Variants in COL11A1 observed in about 807,000 individuals in gnomAD.
COL11A1 encodes collagen alpha-1(XI) chain.
A neutral mutation model predicts 265.2 loss-of-function variants in COL11A1; 74 were observed. That is an observed-to-expected ratio of 0.28 (90% CI 0.23 to 0.34). The LOEUF (loss-of-function observed/expected upper bound fraction) is 0.34. Ranked by LOEUF, COL11A1 falls within the 10% of genes least tolerant of loss-of-function variation. The probability of loss-of-function intolerance (pLI) is 1.00; values close to 1 mark genes in which losing one functional copy is unlikely to be tolerated. For synonymous variants in COL11A1, 816 were observed against 727.6 expected (o/e 1.12, Z -1.96); for missense variants, 2,165 against 2,263.6 (o/e 0.96, Z 0.88).
chr1:103,039,647 A>G (rs1668654558), intron 4 of COL11A1, among the ~76,000 whole-genome samples: 1 of 152,116 alleles, frequency 6.6e-6, no homozygotes, highest in Non-Finnish European at 1.5e-5. Flanking sequence ...AGCCTCCAGA[A>G]CTTTGAAAAA....
chr1:103,097,847 C>T (rs1431275340), intron 1 of COL11A1, among the ~76,000 whole-genome samples: 1 of 151,972 alleles, frequency 6.6e-6, no homozygotes, highest in African/African-American at 2.4e-5. Context: ...TGTGTAGCCA[C>T]AGCACTTAAC....
At chr1:103,074,503 T>A (rs1671821011) in intron 4 of COL11A1, 115 bp downstream of exon 4, 1 of 1,164,814 alleles carries the variant, frequency 8.6e-7, no homozygotes, top group African/African-American at 1.5e-5. Context: ...TAGGTCACCC[T>A]TTAGAGTTTT....
At chr1:102,990,448 C>T (rs1385541574) in intron 28 of COL11A1, among the ~76,000 whole-genome samples, 1 of 151,474 alleles carries the variant, frequency 6.6e-6, no homozygotes, top group East Asian at 1.9e-4. Flanking sequence ...TAATAATATC[C>T]TTTACAGGTA....
chr1:103,043,057 A>T (rs1187400893), intron 4 of COL11A1, among the ~76,000 whole-genome samples: 7 of 139,694 alleles, frequency 5.0e-5, no homozygotes, highest in African/African-American at 1.7e-4. Flanking sequence ...TATATGAAAC[A>T]TATATAATGA....
chr1:103,065,494 T>C (rs894358944), intron 4 of COL11A1, among the ~76,000 whole-genome samples: 3 of 113,208 alleles, frequency 2.6e-5, no homozygotes, highest in Non-Finnish European at 4.9e-5. Flanking sequence ...CACTCCAGCC[T>C]GGGCGACAGA....
At chr1:102,937,444 T>A (rs1443410228) in intron 44 of COL11A1, among the ~76,000 whole-genome samples, 4 of 152,204 alleles carry the variant, frequency 2.6e-5, no homozygotes, top group Non-Finnish European at 5.9e-5. Context: ...TGGATATGGT[T>A]TGTCCCCACT....
intron 2 of COL11A1, among the ~76,000 whole-genome samples, chr1:103,082,302 A>G (rs1025290832): frequency 2.0e-5 from 3 of 152,042 alleles, no homozygotes; most frequent in Non-Finnish European, 4.4e-5. Context: ...AATTATTTGC[A>G]AAGAAAAAGT....
At position 102,895,993 on chromosome 1, in the gene COL11A1, A is replaced by C. The variant is rs568503285; in HGVS notation, c.4302+2132T>G. ...AGAATATAAAATTGATTGGTTTTCA[A>C]CATATTTATCATTATTTCATTCATT... On this transcript the variant is annotated intron_variant, in intron 57 of 66. Transcript: ENST00000370096. Among the ~76,000 whole-genome samples, 34 of 152,014 alleles carry C rather than the reference A, an allele frequency of 2.2e-4. No individual in the cohort carries two copies. The South Asian group carries it at 6.4e-3, about 29-fold the overall frequency.
At chr1:102,903,224 T>G (rs917621783) in intron 54 of COL11A1, among the ~76,000 whole-genome samples, 6 of 152,162 alleles carry the variant, frequency 3.9e-5, no homozygotes. Context: ...TACAAATGCA[T>G]GACAGAAAGT....
At chr1:102,904,327 G>A (rs1468035503) in intron 54 of COL11A1, among the ~76,000 whole-genome samples, 2 of 152,192 alleles carry the variant, frequency 1.3e-5, no homozygotes, top group Non-Finnish European at 2.9e-5. Flanking sequence ...AGGACTTCAT[G>A]TCTAAAACAC....
Position 102,898,003 on chromosome 1 carries a change from T to C in COL11A1, c.4302+122A>G, listed in dbSNP as rs757407499. On this transcript the variant is annotated intron_variant, in intron 57 of 66. Transcript: ENST00000370096. The stretch of plus-strand genomic sequence containing the variant: ...TTTCCTCTAAGACAAAATAATATAC[T>C]TCTTGGACTATTAGAAAAAATACAA... 16 of 477,748 alleles carry C rather than the reference T, an allele frequency of 3.3e-5. No homozygotes were observed. The Middle Eastern group carries it at 1.9e-3, about 57-fold the overall frequency. The allele number at this position is 477,748 out of a possible 1,614,324, so 29.6% of individuals were successfully genotyped here.
chr1:103,039,181 T>G (rs1668616512), intron 4 of COL11A1, among the ~76,000 whole-genome samples: 1 of 152,198 alleles, frequency 6.6e-6, no homozygotes. Flanking sequence ...CTGCAGACTA[T>G]CAGACTGCAT....
intron 4 of COL11A1, among the ~76,000 whole-genome samples, chr1:103,070,251 T>C (rs531231515): frequency 1.3e-5 from 2 of 148,966 alleles, no homozygotes; most frequent in East Asian, 3.9e-4. Context: ...TTAAATACAA[T>C]AAACATGGGT....
In COL11A1 at chr1:103,031,142, G is replaced by C. The variant is rs1313902113; in HGVS notation, c.754C>G (p.Gln252Glu). Residue 252 changes from glutamine (Q) to glutamate (E), a missense_variant, in exon 5 of 67, where the codon CAA becomes GAA. Physicochemically the swap from Gln to Glu is conservative, Grantham distance 29 (BLOSUM62 2). Transcript: ENST00000370096. ...DCDSSAPKAA[Q>E]AQEPQIDEYA... ...TCATCTATCTGAGGTTCCTGAGCTT[G>C]AGCAGCCTTGGGTGCTGAAGAGTCA... 6.2e-7 allele frequency: 1 copy of C among 1,613,174 alleles called. No homozygotes were observed. Among genetic ancestry groups the C allele is most frequent in the East Asian group, 2.2e-5 (1 of 44,838 alleles).
intron 29 of COL11A1, 72 bp from the exon 30 acceptor site, chr1:102,987,812 T>A: frequency 8.8e-7 from 1 of 1,135,564 alleles, no homozygotes; most frequent in Non-Finnish European, 1.3e-6. Flanking sequence ...GAAAAAATTA[T>A]GACAGTGAAA....
intron 50 of COL11A1, among the ~76,000 whole-genome samples, 192 bp downstream of exon 50, chr1:102,915,439 T>A (rs184296802): frequency 1.6e-4 from 24 of 152,332 alleles, no homozygotes; most frequent in African/African-American, 5.5e-4. Flanking sequence ...TTTTTTCAAT[T>A]TGTTTATCAA....
chr1:102,920,417 AT>A (rs1655849743), intron 48 of COL11A1, 53 bp from the exon 49 acceptor site: 1 of 1,435,876 alleles, frequency 7.0e-7, no homozygotes, highest in South Asian at 1.1e-5. Context: ...AAAATAATGC[AT>A]TCGTAAACAT....
chr1:102,886,895 A>C lies in COL11A1; in HGVS notation c.4770T>G (p.Ile1590Met), dbSNP rs2229783. 6.2e-7 allele frequency: 1 copy of C among 1,613,420 alleles called. No individual in the cohort carries two copies. The highest frequency in any genetic ancestry group is 8.5e-7 in the Non-Finnish European group (1 of 1,179,740). Residue 1590 changes from isoleucine to methionine, a missense_variant, in exon 63 of 67, where the codon ATT (isoleucine) becomes ATG (methionine). Ile to Met is a conservative substitution (Grantham distance 10, BLOSUM62 1). Coordinates refer to ENST00000370096, the MANE Select transcript of COL11A1 (RefSeq NM_001854.4). ...TACCCATTGGAAATTTCATATGCTCAATGTCTTGTTTCAGGGAATTGAGGG... is the reference window on the plus strand; with the variant it reads ...TACCCATTGGAAATTTCATATGCTCCATGTCTTGTTTCAGGGAATTGAGGG... Reference protein sequence around the residue: ...FGSLNSLKQDIEHMKFPMGTQ... With the variant: ...FGSLNSLKQDMEHMKFPMGTQ...
intron 4 of COL11A1, among the ~76,000 whole-genome samples, chr1:103,053,603 G>A (rs1269050454): frequency 6.6e-6 from 1 of 152,102 alleles, no homozygotes; most frequent in Non-Finnish European, 1.5e-5. Flanking sequence ...ACATAAAACA[G>A]CCAAAAACAG....
Sources: allele counts gnomAD v4.1 joint callset (sites outside exome capture counted in the v4.1 genomes callset), GRCh38; gene constraint gnomAD v4.1.1; transcripts MANE v1.5; gene names NCBI Gene and HGNC (gene_info 2026-07-23, HGNC 2026-07-21).